The following SBF2 variants were observed in gnomAD, a reference collection of about 807,000 sequenced individuals.
SBF2 encodes the protein myotubularin-related protein 13.
Under a neutral mutation model 225.2 loss-of-function variants are expected in SBF2, and 112 were observed. That is an observed-to-expected ratio of 0.50 (90% CI 0.43 to 0.58). The LOEUF (loss-of-function observed/expected upper bound fraction) is 0.58. Among genes scored for constraint, SBF2 ranks in the 20% least tolerant of loss-of-function variants. The pLI is 0.00. For missense variants in SBF2, 1,996 were observed against 2,206.2 expected (o/e 0.90, Z 1.91); for synonymous variants, 763 against 773.3 (o/e 0.99, Z 0.22).
At chr11:10,129,554 AT>A (rs1953931824) in intron 2 of SBF2, among the ~76,000 whole-genome samples, 1 of 152,160 alleles carries the variant, frequency 6.6e-6, no homozygotes, top group Non-Finnish European at 1.5e-5. Flanking sequence ...TCCTCCTTTA[AT>A]TTTGTTGAAA....
chr11:10,235,509 A>G (rs1959032942), intron 1 of SBF2, among the ~76,000 whole-genome samples: 1 of 151,444 alleles, frequency 6.6e-6, no homozygotes, highest in Admixed American at 6.6e-5. Context: ...CCTGGGCAAC[A>G]AGAGCAAGAC....
chr11:9,967,971 C>CTCTCTCTCTCTCTATATATATATATATA (rs1260685462), intron 14 of SBF2, among the ~76,000 whole-genome samples: 7 of 91,502 alleles, frequency 7.7e-5, no homozygotes, highest in African/African-American at 1.9e-4. Context: ...CTCTCTCTCT[C>CTCTCTCTCTCTCTATATATATATATATA]TATATATATA....
At chr11:9,919,270 C>CTTCT (rs1554954354) in intron 16 of SBF2, among the ~76,000 whole-genome samples, 8 of 139,938 alleles carry the variant, frequency 5.7e-5, no homozygotes, top group Non-Finnish European at 1.2e-4. Context: ...TCTTCTTCTT[C>CTTCT]TTTTTTTTTT....
In SBF2 at chr11:9,968,330, C is replaced by A. The variant is rs1867100298; in HGVS notation, c.1600+11G>T. The A allele has an allele frequency of 6.2e-7, 1 of 1,612,328 alleles. No homozygotes were observed. The highest frequency in any genetic ancestry group is 1.3e-5 in the African/African-American group (1 of 74,996). On this transcript the variant is annotated intron_variant, in intron 14 of 39. Coordinates refer to ENST00000256190, the MANE Select transcript of SBF2 (RefSeq NM_030962.4). ...ACAGTTTACTTTTAAAACAGACAGA[C>A]AAATACATACCAACAGGTGGACCTG... is the stretch of plus-strand genomic sequence containing the variant.
At chr11:9,914,771 A>G (rs7928664) in intron 16 of SBF2, among the ~76,000 whole-genome samples, 28,269 of 151,990 alleles carry the variant, frequency 0.19, 2,995 homozygotes, top group Non-Finnish European at 0.23. Context: ...TTAAGAGAAA[A>G]TATTGGCAAA....
chr11:9,788,052 T>G, intron 35 of SBF2: 1 of 388,364 alleles, frequency 2.6e-6, no homozygotes, highest in Non-Finnish European at 4.9e-6. Flanking sequence ...GGAAATCTGA[T>G]AGCCAAAGCA....
At chr11:10,030,446 G>A (rs966993674) in intron 4 of SBF2, among the ~76,000 whole-genome samples, 2 of 152,120 alleles carry the variant, frequency 1.3e-5, no homozygotes, top group African/African-American at 4.8e-5. Context: ...GTTACGCATT[G>A]TCATTGAAAT....
At chr11:10,176,428 AT>A (rs1956466364) in intron 2 of SBF2, among the ~76,000 whole-genome samples, 1 of 151,930 alleles carries the variant, frequency 6.6e-6, no homozygotes, top group Non-Finnish European at 1.5e-5. Flanking sequence ...GATCAACAAA[AT>A]TGATAGACCA....
chr11:9,842,921 T>G, intron 24 of SBF2, 151 bp from the exon 25 acceptor site: 2 of 702,796 alleles, frequency 2.8e-6, no homozygotes, highest in Non-Finnish European at 4.8e-6. Context: ...TTAGGTTACT[T>G]TTAATATGGC....
chr11:10,100,702 C>T (rs1031977177), intron 2 of SBF2, among the ~76,000 whole-genome samples: 2 of 152,090 alleles, frequency 1.3e-5, no homozygotes, highest in African/African-American at 4.8e-5. Flanking sequence ...CAGTTTGGAT[C>T]CTTCAGGGGT....
intron 16 of SBF2, among the ~76,000 whole-genome samples, chr11:9,932,887 T>A (rs940741460): frequency 2.2e-5 from 3 of 134,980 alleles, no homozygotes; most frequent in Non-Finnish European, 4.6e-5. Flanking sequence ...AGGAGACCCA[T>A]CTCACATGAA....
chr11:10,001,747 G>C (rs1947969083), intron 7 of SBF2, among the ~76,000 whole-genome samples: 1 of 151,910 alleles, frequency 6.6e-6, no homozygotes, highest in African/African-American at 2.4e-5. Flanking sequence ...AGGATGGTAT[G>C]GATCTCTTGA....
chr11:9,979,255 T>C (rs1946838216), intron 13 of SBF2, among the ~76,000 whole-genome samples: 1 of 152,170 alleles, frequency 6.6e-6, no homozygotes, highest in Admixed American at 6.5e-5. Context: ...AAGTGCTTAA[T>C]TCCATGCCTG....
intron 1 of SBF2, among the ~76,000 whole-genome samples, chr11:10,226,194 A>C (rs1039358126): frequency 6.6e-6 from 1 of 152,194 alleles, no homozygotes; most frequent in Non-Finnish European, 1.5e-5. Flanking sequence ...TAAAAGTAGC[A>C]TTTATCTTTA....
chr11:10,255,090 G>A (rs967057454), intron 1 of SBF2, among the ~76,000 whole-genome samples: 1 of 151,988 alleles, frequency 6.6e-6, no homozygotes, highest in Admixed American at 6.6e-5. Context: ...GGGACTAGCA[G>A]GTGAGAAGGA....
chr11:10,231,535 C>T (rs1958846097), intron 1 of SBF2, among the ~76,000 whole-genome samples: 1 of 152,116 alleles, frequency 6.6e-6, no homozygotes, highest in Non-Finnish European at 1.5e-5. Flanking sequence ...CAGTCAGGAC[C>T]CTCAGCTTCA....
chr11:9,885,336 T>C (rs1860198629), intron 17 of SBF2, among the ~76,000 whole-genome samples: 1 of 133,828 alleles, frequency 7.5e-6, no homozygotes, highest in Non-Finnish European at 1.5e-5. Context: ...ATGATGTCAA[T>C]ACTCTTCAGT....
intron 2 of SBF2, among the ~76,000 whole-genome samples, chr11:10,142,617 A>G (rs2135141216): frequency 6.6e-6 from 1 of 152,308 alleles, no homozygotes; most frequent in African/African-American, 2.4e-5. Context: ...AAATGATAGG[A>G]TATAATTCTA....
intron 2 of SBF2, among the ~76,000 whole-genome samples, chr11:10,160,855 C>T (rs1955697293): frequency 6.6e-6 from 1 of 152,108 alleles, no homozygotes; most frequent in South Asian, 2.1e-4. Context: ...CCTATTCATC[C>T]TTCAAAACTA....
Sources: gnomAD v4.1 joint callset for allele counts (sites outside exome capture counted in the v4.1 genomes callset) on GRCh38, gnomAD v4.1.1 for gene constraint, MANE v1.5 for transcripts, NCBI Gene and HGNC (gene_info 2026-07-23, HGNC 2026-07-21) for gene names.